Variants in DNAJC8 observed in about 807,000 individuals in gnomAD.
DNAJC8 encodes DnaJ heat shock protein family (Hsp40) member C8.
A neutral mutation model predicts 43.2 loss-of-function variants in DNAJC8; 24 were observed. The observed-to-expected ratio is 0.56, with a 90% confidence interval of 0.40 to 0.78. The LOEUF (loss-of-function observed/expected upper bound fraction) is 0.78, where lower values mean the gene tolerates loss of function less well. Ranked by LOEUF, DNAJC8 falls within the 30% of genes least tolerant of loss-of-function variation. The pLI is 0.00. For missense variants in DNAJC8, 207 were observed against 299.4 expected (o/e 0.69, Z 2.28); for synonymous variants, 83 against 98.0 (o/e 0.85, Z 0.90).
chr1:28,212,210 T>TATATATA (rs1557708014), intron 3 of DNAJC8, among the ~76,000 whole-genome samples: 21 of 109,482 alleles, frequency 1.9e-4, no homozygotes, highest in Non-Finnish European at 3.5e-4. Context: ...TATATATATA[T>TATATATA]ATATAAATGA....
At chr1:28,228,711 C>A (rs1646954278) in intron 2 of DNAJC8, among the ~76,000 whole-genome samples, 1 of 152,008 alleles carries the variant, frequency 6.6e-6, no homozygotes, top group South Asian at 2.1e-4. Flanking sequence ...TCCAAAATCC[C>A]AAAAAAATCC....
At chr1:28,225,909 G>A (rs1646931066) in intron 2 of DNAJC8, among the ~76,000 whole-genome samples, 1 of 150,436 alleles carries the variant, frequency 6.6e-6, no homozygotes, top group East Asian at 1.9e-4. Context: ...TCGCCATGTT[G>A]GCCAGGCTGG....
At chr1:28,218,063 C>T (rs1255737605) in intron 2 of DNAJC8, among the ~76,000 whole-genome samples, 3 of 143,966 alleles carry the variant, frequency 2.1e-5, no homozygotes, top group Non-Finnish European at 4.6e-5. Flanking sequence ...TTATTAGAGG[C>T]TTTTTTCATG....
At chr1:28,215,780 G>A (rs1487419676) in intron 2 of DNAJC8, among the ~76,000 whole-genome samples, 3 of 151,814 alleles carry the variant, frequency 2.0e-5, no homozygotes, top group East Asian at 1.9e-4. Flanking sequence ...CAGGTGATCC[G>A]CCTGCCTCAG....
chr1:28,228,887 C>A, intron 2 of DNAJC8, 35 bp downstream of exon 2: 2 of 1,552,438 alleles, frequency 1.3e-6, no homozygotes, highest in Non-Finnish European at 1.8e-6. Context: ...AAATCTCCCC[C>A]ATTACAGAGG....
intron 3 of DNAJC8, among the ~76,000 whole-genome samples, chr1:28,212,267 C>A (rs1299284766): frequency 1.0e-5 from 1 of 95,912 alleles, no homozygotes; most frequent in African/African-American, 4.5e-5. Flanking sequence ...ATTCGTTGTT[C>A]TATTCTTTTT....
intron 2 of DNAJC8, among the ~76,000 whole-genome samples, chr1:28,221,490 G>A (rs989891463): frequency 1.1e-4 from 16 of 152,136 alleles, no homozygotes; most frequent in African/African-American, 3.9e-4. Context: ...AAAGGCTACA[G>A]GGCAATGAGT....
intron 6 of DNAJC8, among the ~76,000 whole-genome samples, chr1:28,207,750 TG>T (rs1302171240): frequency 8.5e-5 from 12 of 141,154 alleles, no homozygotes; most frequent in African/African-American, 2.9e-4. Flanking sequence ...CCAAATAAAA[TG>T]TTTTTTTAAA....
chr1:28,224,924 A>G (rs376562225), intron 2 of DNAJC8, among the ~76,000 whole-genome samples: 23 of 148,700 alleles, frequency 1.5e-4, no homozygotes, highest in African/African-American at 5.7e-4. Flanking sequence ...ACAGTGGCTC[A>G]CACCTTGAAT....
chr1:28,228,303 C>T (rs1470757406), intron 2 of DNAJC8, among the ~76,000 whole-genome samples: 3 of 144,822 alleles, frequency 2.1e-5, no homozygotes, highest in African/African-American at 5.2e-5. Context: ...GGGTCAAGAT[C>T]GCGCCACTGC....
intron 3 of DNAJC8, among the ~76,000 whole-genome samples, chr1:28,214,260 G>A (rs1646835774): frequency 6.6e-6 from 1 of 152,104 alleles, no homozygotes. Flanking sequence ...ACGGCCGGGT[G>A]CAGTGGCTCA....
chr1:28,217,591 A>G (rs1471571555), intron 2 of DNAJC8, among the ~76,000 whole-genome samples: 1 of 152,112 alleles, frequency 6.6e-6, no homozygotes, highest in African/African-American at 2.4e-5. Context: ...AAGTCACGTA[A>G]GATTTACAGA....
intron 1 of DNAJC8, among the ~76,000 whole-genome samples, chr1:28,230,786 C>A (rs1646968423): frequency 6.6e-6 from 1 of 152,210 alleles, no homozygotes; most frequent in Non-Finnish European, 1.5e-5. Flanking sequence ...GCAGCTGAGA[C>A]TACAGGCAGT....
intron 6 of DNAJC8, 60 bp downstream of exon 6, chr1:28,208,282 C>A: frequency 2.3e-6 from 3 of 1,330,264 alleles, no homozygotes; most frequent in Non-Finnish European, 3.1e-6. Flanking sequence ...GTCTCTGTAA[C>A]CCACCAATTC....
intron 2 of DNAJC8, among the ~76,000 whole-genome samples, chr1:28,223,724 A>G (rs974732622): frequency 2.0e-5 from 3 of 151,620 alleles, no homozygotes; most frequent in East Asian, 1.9e-4. Flanking sequence ...AAAAAAAAAA[A>G]AAAGAAAAAA....
At chr1:28,231,977 G>A (rs1419294774) in intron 1 of DNAJC8, among the ~76,000 whole-genome samples, 1 of 151,972 alleles carries the variant, frequency 6.6e-6, no homozygotes. Context: ...CCGTGGTCTC[G>A]ATCTCCTGAC....
intron 3 of DNAJC8, among the ~76,000 whole-genome samples, chr1:28,211,209 C>T (rs1274625815): frequency 2.0e-5 from 3 of 151,918 alleles, no homozygotes; most frequent in Non-Finnish European, 4.4e-5. Flanking sequence ...AAGCCTAGCA[C>T]TATGAAGATG....
intron 5 of DNAJC8, among the ~76,000 whole-genome samples, chr1:28,209,031 C>G (rs945543974): frequency 6.6e-6 from 1 of 152,204 alleles, no homozygotes; most frequent in Non-Finnish European, 1.5e-5. Context: ...ACCCTCTAAG[C>G]TCAGAAAGGC....
In DNAJC8 at chr1:28,232,783, C is replaced by G. The variant is rs868583439; in HGVS notation, c.78+138G>C. ...ATCAGTGGGAGACGCTCACACACCC[C>G]CAGACCCCCGCCACCCCGAAGACTG... is the stretch of plus-strand genomic sequence containing the variant. On this transcript the variant is annotated intron_variant, in intron 1 of 8. Coordinates refer to ENST00000263697, the MANE Select transcript of DNAJC8 (RefSeq NM_014280.3). The G allele has an allele frequency of 1.8e-5, 16 of 872,396 alleles. No homozygotes were observed. In the African/African-American group the frequency reaches 2.3e-4, roughly 13 times the overall value. 54.0% of individuals were successfully genotyped at this position (872,396 alleles called of 1,614,324 possible).
Sources: allele counts gnomAD v4.1 joint callset (sites outside exome capture counted in the v4.1 genomes callset), GRCh38; gene constraint gnomAD v4.1.1; transcripts MANE v1.5; gene names NCBI Gene and HGNC (gene_info 2026-07-23, HGNC 2026-07-21).